SKIDA1: variants seen among roughly 807,000 people sequenced by gnomAD.
SKIDA1 encodes SKI/DACH domain containing 1.
In SKIDA1, 18 loss-of-function variants were observed where a neutral mutation model predicts 51.4. The ratio of observed to expected loss-of-function variants is 0.35; its 90% CI spans 0.24 to 0.52. The LOEUF is 0.52. Among genes scored for constraint, SKIDA1 ranks in the 20% least tolerant of loss-of-function variants. SKIDA1 has a pLI of 0.95. For missense variants in SKIDA1, 1,104 were observed against 1,180.6 expected (o/e 0.94, Z 0.95); for synonymous variants, 579 against 500.5 (o/e 1.16, Z -2.09).
intron 1 of SKIDA1, chr10:21,524,650 A>C (rs1319210235): frequency 6.7e-6 from 1 of 148,252 alleles, no homozygotes; most frequent in Non-Finnish European, 1.5e-5. Flanking sequence ...TCCTACGCTA[A>C]AAGAGGGCAG....
At position 21,516,462 on chromosome 10, in the gene SKIDA1, G is replaced by A; in HGVS notation, c.1361C>T (p.Ser454Phe). 1 of 1,612,058 alleles carries A rather than the reference G, an allele frequency of 6.2e-7. No individual in the cohort carries two copies. The highest frequency in any genetic ancestry group is 8.5e-7 in the Non-Finnish European group (1 of 1,179,620). The part of the protein sequence containing the change: ...EDSSTESDSS[S>F]GSSQVSVQSI... ...CTGCACTGACACTTGGCTGGAGCCG[G>A]AGCTGGAGTCCGACTCGGTGGACGA... Residue 454 changes from serine to phenylalanine, a missense_variant, in exon 4 of 4, where the codon TCC becomes TTC. Ser to Phe is a radical substitution (Grantham distance 155, BLOSUM62 -2). This residue lies in a region of SKIDA1 where 938 missense variants were observed against 886.4 expected (regional missense o/e 1.06). Transcript: ENST00000449193. This position sits in a 1 kb window ranked among gnomAD's most constrained non-coding sequence, Gnocchi z 5.7.
rs968178175 is a variant in SKIDA1, at chr10:21,516,833, G to T, written c.990C>A (p.Asn330Lys). ...GGTGGTGCGGAGGCGGGCAGAAGCC[G>T]TTGACCAGATGAAACCTCTCCAGGC... ...ATCLERFHLV[N>K]GFCPPPHHHH... Residue 330 changes from asparagine to lysine, a missense_variant, in exon 4 of 4, where the codon AAC becomes AAA. Transcript: ENST00000449193. The surrounding 1 kb of genome is among the most constrained non-coding windows in gnomAD (Gnocchi z 5.7). 1 of 1,541,880 alleles carries T rather than the reference G, an allele frequency of 6.5e-7. No homozygotes were observed. The highest frequency in any genetic ancestry group is 8.7e-7 in the Non-Finnish European group (1 of 1,145,322).
rs1184494304 is a variant in SKIDA1 at position 21,516,476 on chromosome 10, C to T, written c.1347G>A (p.Glu449=). The change falls in exon 4 of 4, where the codon GAG becomes GAA. Residue 449 remains glutamate (E), a synonymous_variant. Transcript: ENST00000449193. This position sits in a 1 kb window ranked among gnomAD's most constrained non-coding sequence, Gnocchi z 5.7. ...GGCTGGAGCCGGAGCTGGAGTCCGA[C>T]TCGGTGGACGAGTCCTCCTCCTCCG... is the stretch of plus-strand genomic sequence containing the variant. ...VSSEEEDSST[E]SDSSSGSSQV... is the part of the protein sequence containing the mutation. 1.9e-6 allele frequency: 3 copies of T among 1,610,238 alleles called. No individual in the cohort carries two copies. The highest frequency in any genetic ancestry group is 1.7e-5 in the Admixed American group (1 of 59,576).
rs2032183388 is a variant in SKIDA1, at chr10:21,515,842, C to T, written c.1981G>A (p.Gly661Arg). ...SQTDPEVNAA[G>R]AAATKAENPC... ...TTCTCGGCTTTAGTTGCTGCTGCTCCTGCAGCGTTCACTTCAGGATCAGTC... is the reference window on the plus strand; with the variant it reads ...TTCTCGGCTTTAGTTGCTGCTGCTCTTGCAGCGTTCACTTCAGGATCAGTC... Residue 661 changes from glycine (G) to arginine (R), a missense_variant, in exon 4 of 4, where the codon GGA becomes AGA. Gly to Arg is a moderately radical substitution (Grantham distance 125). Around this residue, in one of 3 missense-constraint regions of SKIDA1, gnomAD observed 938 missense variants for 886.4 expected, o/e 1.06. Transcript: ENST00000449193. The T allele has an allele frequency of 1.9e-6, 3 of 1,613,928 alleles. No homozygotes were observed. The highest frequency in any genetic ancestry group is 2.5e-6 in the Non-Finnish European group (3 of 1,179,880).
Position 21,517,857 on chromosome 10 carries a change from A to G in SKIDA1, c.-35T>C. The G allele has an allele frequency of 1.9e-6, 3 of 1,552,826 alleles. No homozygotes were observed. Among genetic ancestry groups the G allele is most frequent in the South Asian group, 1.2e-5 (1 of 83,218 alleles). Reference sequence around the variant, plus strand: ...TAAATGATCCCCACCATTTGCAGTAAATATATACGTGACGCATACATACAC... The same window carrying G: ...TAAATGATCCCCACCATTTGCAGTAGATATATACGTGACGCATACATACAC... On this transcript the variant is annotated 5_prime_UTR_variant, in exon 4 of 4. Transcript: ENST00000449193. This position sits in a 1 kb window ranked among gnomAD's most constrained non-coding sequence, Gnocchi z 6.9.
chr10:21,520,646 C>CCT (rs139656579), intron 3 of SKIDA1, among the ~76,000 whole-genome samples: 44 of 142,526 alleles, frequency 3.1e-4, no homozygotes, highest in African/African-American at 6.8e-4. Flanking sequence ...GTTTATATTT[C>CCT]CTCTCTCTCT....
Position 21,515,522 on chromosome 10 carries a change from C to G in SKIDA1, c.2301G>C (p.Glu767Asp), listed in dbSNP as rs923896200. The G allele has an allele frequency of 9.3e-6, 15 of 1,614,022 alleles. No individual in the cohort carries two copies. Among genetic ancestry groups the G allele is most frequent in the Admixed American group, 1.7e-5 (1 of 60,016 alleles). The change falls in exon 4 of 4, where the codon GAG becomes GAC. Residue 767 changes from glutamate to aspartate, a missense_variant. Physicochemically the swap from Glu to Asp is conservative, Grantham distance 45. This residue lies in a region of SKIDA1 where 938 missense variants were observed against 886.4 expected (regional missense o/e 1.06). Transcript: ENST00000449193. ...TGGCACCAAATTTATATTCCCCATC[C>G]TCAGGTTTTGGAGAACCTAAAGTGC... The part of the protein sequence containing the change: ...LSCTLGSPKP[E>D]DGEYKFGARV...
chr10:21,521,324 T>C (rs1361144905), intron 3 of SKIDA1, 65 bp downstream of exon 3: 2 of 152,538 alleles, frequency 1.3e-5, no homozygotes, highest in East Asian at 1.9e-4. Flanking sequence ...GCCAAAAGAA[T>C]GGGGATGAAA....
At chr10:21,521,512 T>C (rs1217231866) in intron 2 of SKIDA1, 32 bp from the exon 3 acceptor site, 13 of 152,586 alleles carry the variant, frequency 8.5e-5, no homozygotes, top group Admixed American at 8.5e-4. Flanking sequence ...ATTCAGATAA[T>C]GGACTGTATT....
Position 21,525,561 on chromosome 10 carries a change from T to C in SKIDA1, c.-2132A>G. The C allele has an allele frequency of 6.6e-6, 1 of 152,340 alleles. No individual in the cohort carries two copies. 9.4% of individuals were successfully genotyped at this position (152,340 alleles called of 1,614,324 possible). A position where few individuals can be genotyped will look rare whatever the true frequency, so the allele number is the denominator to read the frequency against. On this transcript the variant is annotated 5_prime_UTR_variant, in exon 1 of 4. Coordinates refer to ENST00000449193, the MANE Select transcript of SKIDA1 (RefSeq NM_207371.4). Reference sequence around the variant, plus strand: ...CCGTATATTACCTGCCCTGTTACAGTGACACATGTTTATGTTTATAGTCCT... The same window carrying C: ...CCGTATATTACCTGCCCTGTTACAGCGACACATGTTTATGTTTATAGTCCT...
rs554640475 is a variant in SKIDA1, at chr10:21,514,824, T to C, written c.*272A>G. 3.0e-6 allele frequency: 1 copy of C among 333,434 alleles called. No homozygotes were observed. Among genetic ancestry groups the C allele is most frequent in the Admixed American group, 4.5e-5 (1 of 22,188 alleles). The allele number at this position is 333,434 out of a possible 1,614,324, so 20.7% of individuals were successfully genotyped here. A position where few individuals can be genotyped will look rare whatever the true frequency, so the allele number is the denominator to read the frequency against. On this transcript the variant is annotated 3_prime_UTR_variant, in exon 4 of 4. Coordinates refer to ENST00000449193, the MANE Select transcript of SKIDA1 (RefSeq NM_207371.4). ...TCGAAACAGTAAAGTGTTCCAGCTC[T>C]ACCGTAATAACTGAGTTTTACTTGA...
intron 3 of SKIDA1, among the ~76,000 whole-genome samples, chr10:21,520,983 T>G (rs1398797259): frequency 1.3e-5 from 2 of 152,078 alleles, no homozygotes; most frequent in African/African-American, 4.8e-5. Flanking sequence ...AATACATTCT[T>G]TTGTTCCTTT....
Position 21,515,211 on chromosome 10 carries a change from T to C in SKIDA1, c.2612A>G (p.Asn871Ser). The change falls in exon 4 of 4, where the codon AAC becomes AGC. Residue 871 changes from asparagine (N) to serine (S), a missense_variant. By Grantham distance (46) the Asn-to-Ser change is conservative. Around this residue, in one of 3 missense-constraint regions of SKIDA1, gnomAD observed 112 missense variants for 168.3 expected, o/e 0.67. Coordinates refer to ENST00000449193, the MANE Select transcript of SKIDA1 (RefSeq NM_207371.4). ...DGDLWPAYSL[N>S]TTKDSQTPHK... ...AGGAGTTTGAGAATCCTTAGTGGTG[T>C]TTAAGGAATACGCCGGCCACAAATC... The C allele has an allele frequency of 6.2e-7, 1 of 1,613,912 alleles. No homozygotes were observed. The highest frequency in any genetic ancestry group is 1.1e-5 in the South Asian group (1 of 91,076).
chr10:21,517,461 C>G lies in SKIDA1; in HGVS notation c.362G>C (p.Arg121Pro). The change falls in exon 4 of 4, where the codon CGC becomes CCC. Residue 121 changes from arginine to proline, a missense_variant. By Grantham distance (103) the Arg-to-Pro change is moderately radical. Coordinates refer to ENST00000449193, the MANE Select transcript of SKIDA1 (RefSeq NM_207371.4). The surrounding 1 kb of genome is among the most constrained non-coding windows in gnomAD (Gnocchi z 6.9). ...ALATKAPPPE[R>P]AAAASPRPGF... ...CGGGCGGGGGCTGGCGGCAGCGGCGCGCTCTGGCGGCGGCGCCTTTGTGGC... is the reference window on the plus strand; with the variant it reads ...CGGGCGGGGGCTGGCGGCAGCGGCGGGCTCTGGCGGCGGCGCCTTTGTGGC... 1 of 1,517,410 alleles carries G rather than the reference C, an allele frequency of 6.6e-7. No individual in the cohort carries two copies. Among genetic ancestry groups the G allele is most frequent in the Non-Finnish European group, 8.8e-7 (1 of 1,137,102 alleles). The allele number at this position is 1,517,410 out of a possible 1,614,324, so 94.0% of individuals were successfully genotyped here.
Position 21,515,222 on chromosome 10 carries a change from C to A in SKIDA1, c.2601G>T (p.Ala867=), listed in dbSNP as rs771643476. 1 of 1,613,864 alleles carries A rather than the reference C, an allele frequency of 6.2e-7. No individual in the cohort carries two copies. The highest frequency in any genetic ancestry group is 1.1e-5 in the South Asian group (1 of 91,070). ...IIGRDGDLWP[A]YSLNTTKDSQ... is the part of the protein sequence containing the mutation. ...AATCCTTAGTGGTGTTTAAGGAATA[C>A]GCCGGCCACAAATCCCCATCTCTCC... The change falls in exon 4 of 4, where the codon GCG becomes GCT. Residue 867 remains alanine, a synonymous_variant. Transcript: ENST00000449193.
In SKIDA1 at chr10:21,518,658, A is replaced by G. The variant is rs1457260455; in HGVS notation, c.-836T>C. 6.0e-6 allele frequency: 1 copy of G among 166,990 alleles called. No homozygotes were observed. The highest frequency in any genetic ancestry group is 1.5e-5 in the Non-Finnish European group (1 of 68,110). The allele number at this position is 166,990 out of a possible 1,614,324, so 10.3% of individuals were successfully genotyped here. ...TTTCAAAGAAAAGCATTTAAAAAAC[A>G]TTATCAAGCCGAAAGAGAGATACCC... On this transcript the variant is annotated 5_prime_UTR_variant, in exon 4 of 4. An upstream start codon of the reference 5' UTR is lost. Transcript: ENST00000449193.
chr10:21,522,820 A>C (rs1159560665), intron 2 of SKIDA1, among the ~76,000 whole-genome samples: 3 of 152,220 alleles, frequency 2.0e-5, no homozygotes, highest in African/African-American at 7.2e-5. Context: ...ATCAAAATGC[A>C]GTGACCTTCT....
In SKIDA1 at chr10:21,515,091, C is replaced by T. The variant is rs763345293; in HGVS notation, c.*5G>A. ...TGGTTCAAGAAAATATCTTCCAAAACATTTTTATGAATTAAATTTCCTGAA... is the reference window on the plus strand; with the variant it reads ...TGGTTCAAGAAAATATCTTCCAAAATATTTTTATGAATTAAATTTCCTGAA... On this transcript the variant is annotated 3_prime_UTR_variant, in exon 4 of 4. Transcript: ENST00000449193. 2 of 1,592,376 alleles carry T rather than the reference C, an allele frequency of 1.3e-6. No homozygotes were observed. Among genetic ancestry groups the T allele is most frequent in the East Asian group, 4.5e-5 (2 of 44,524 alleles).
At chr10:21,522,048 A>T (rs1219414722) in intron 2 of SKIDA1, among the ~76,000 whole-genome samples, 2 of 152,218 alleles carry the variant, frequency 1.3e-5, no homozygotes, top group Non-Finnish European at 2.9e-5. Context: ...CGGCATTTAC[A>T]GTCTTTTAAA....
Sources: gnomAD v4.1 joint callset for allele counts (sites outside exome capture counted in the v4.1 genomes callset) on GRCh38, gnomAD v4.1.1 for gene constraint, gnomAD v4.1.1 regional missense constraint, Gnocchi (gnomAD v3.1) non-coding constraint, MANE v1.5 for transcripts, NCBI Gene and HGNC (gene_info 2026-07-23, HGNC 2026-07-21) for gene names.